ZFHX4: variants seen among roughly 807,000 people sequenced by gnomAD.
The protein encoded by ZFHX4 is zinc finger homeobox protein 4.
Under a neutral mutation model 267.6 loss-of-function variants are expected in ZFHX4, and 56 were observed. The ratio of observed to expected loss-of-function variants is 0.21; its 90% CI spans 0.17 to 0.26. The LOEUF (loss-of-function observed/expected upper bound fraction) is 0.26. ZFHX4 is among the 10% of genes least tolerant of loss of function. The pLI, the probability that ZFHX4 is intolerant of heterozygous loss-of-function variation, is 1.00. For missense variants in ZFHX4, 4,332 were observed against 4,420.0 expected, an observed-to-expected ratio of 0.98 and a Z score of 0.56; for synonymous variants, 1,778 against 1,665.6, an observed-to-expected ratio of 1.07 and a Z score of -1.64.
At chr8:76,842,851 C>T (rs1397462021) in intron 6 of ZFHX4, 80 bp downstream of exon 6, 3 of 945,906 alleles carry the variant, frequency 3.2e-6, no homozygotes, top group Middle Eastern at 2.2e-4. Context: ...CATCCCCCCA[C>T]CCCACAAAAC....
At chr8:76,700,144 C>T (rs939882541) in intron 1 of ZFHX4, among the ~76,000 whole-genome samples, 3 of 151,588 alleles carry the variant, frequency 2.0e-5, no homozygotes, top group African/African-American at 4.8e-5. Flanking sequence ...TTTTTAAATT[C>T]GTAACTAGTT....
chr8:76,831,992 G>GTTT (rs1181914226), intron 4 of ZFHX4, among the ~76,000 whole-genome samples: 6 of 102,982 alleles, frequency 5.8e-5, no homozygotes, highest in Non-Finnish European at 1.1e-4. Context: ...TAACATAATG[G>GTTT]TTTTTTTAGT....
intron 4 of ZFHX4, among the ~76,000 whole-genome samples, chr8:76,814,411 C>T (rs2131850507): frequency 6.6e-6 from 1 of 152,204 alleles, no homozygotes; most frequent in East Asian, 1.9e-4. Flanking sequence ...AATAGCTTAT[C>T]TAGGCTATTT....
intron 4 of ZFHX4, among the ~76,000 whole-genome samples, chr8:76,824,559 G>A (rs1441308267): frequency 6.6e-6 from 1 of 152,110 alleles, no homozygotes. Context: ...TTCTGTCACA[G>A]TAATTTTAGT....
At position 76,772,989 on chromosome 8, in the gene ZFHX4, G is replaced by T. The variant is rs567339787; in HGVS notation, c.3094-5219G>T. 2.6e-4 allele frequency among the ~76,000 whole-genome samples: 39 copies of T among 152,162 alleles called. No homozygotes were observed. In the East Asian group the frequency reaches 7.0e-3, roughly 27 times the overall value. On this transcript the variant is annotated intron_variant, in intron 3 of 10. Coordinates refer to ENST00000651372, the MANE Select transcript of ZFHX4 (RefSeq NM_024721.5). ...TCTATTTCACTACAGGAAAAACCTC[G>T]TTGTATGAGGTTATATTTGTTTATT... is the stretch of plus-strand genomic sequence containing the variant.
intron 4 of ZFHX4, among the ~76,000 whole-genome samples, chr8:76,820,510 T>C (rs1207162607): frequency 6.6e-6 from 1 of 152,222 alleles, no homozygotes; most frequent in Non-Finnish European, 1.5e-5. Flanking sequence ...TTCATCTGAT[T>C]AGTCATGCAG....
intron 4 of ZFHX4, among the ~76,000 whole-genome samples, chr8:76,796,977 A>G (rs1486537637): frequency 2.0e-5 from 3 of 152,344 alleles, no homozygotes; most frequent in South Asian, 2.1e-4. Flanking sequence ...ACACTGGAAG[A>G]AAAGAGTGAG....
intron 4 of ZFHX4, among the ~76,000 whole-genome samples, chr8:76,802,118 G>A (rs1300245746): frequency 2.6e-5 from 4 of 152,132 alleles, no homozygotes; most frequent in Non-Finnish European, 5.9e-5. Context: ...AATCAGCATT[G>A]TGAAATTGAA....
At chr8:76,730,256 A>G (rs1808967781) in intron 3 of ZFHX4, among the ~76,000 whole-genome samples, 1 of 152,180 alleles carries the variant, frequency 6.6e-6, no homozygotes, top group Admixed American at 6.6e-5. Flanking sequence ...GGCCAATAGA[A>G]TGCTTTGTGA....
At chr8:76,797,136 TCTTGTGAGTATGG>T (rs1810999192) in intron 4 of ZFHX4, among the ~76,000 whole-genome samples, 1 of 152,188 alleles carries the variant, frequency 6.6e-6, no homozygotes, top group Non-Finnish European at 1.5e-5. Context: ...TCCATCTGTG[TCTTGTGAGTATGG>T]CTTGTTCTAG....
At chr8:76,738,294 A>G (rs1232225272) in intron 3 of ZFHX4, among the ~76,000 whole-genome samples, 2 of 152,148 alleles carry the variant, frequency 1.3e-5, no homozygotes, top group Non-Finnish European at 2.9e-5. Context: ...AGTTATGCTG[A>G]TGTAACCAGG....
At chr8:76,698,295 A>C (rs1000801541) in intron 1 of ZFHX4, among the ~76,000 whole-genome samples, 3 of 152,156 alleles carry the variant, frequency 2.0e-5, no homozygotes, top group African/African-American at 7.2e-5. Context: ...TGAAGCAAAC[A>C]AATAAAATGA....
Position 76,864,172 on chromosome 8 carries a change from T to C in ZFHX4, c.10458T>C (p.His3486=). ...AAGCAATGAGAAATGCCAAAGAGCA[T>C]GTTAGATTATTACCTCACTCAGTCT... is the stretch of plus-strand genomic sequence containing the variant. ...IKQAMRNAKE[H]VRLLPHSVCS... Residue 3486 remains histidine (H), a synonymous_variant, in exon 11 of 11, where the codon CAT becomes CAC. Coordinates refer to ENST00000651372, the MANE Select transcript of ZFHX4 (RefSeq NM_024721.5). 4 of 1,613,938 alleles carry C rather than the reference T, an allele frequency of 2.5e-6. No homozygotes were observed. Among genetic ancestry groups the C allele is most frequent in the Middle Eastern group, 1.7e-4 (1 of 6,060 alleles).
intron 3 of ZFHX4, among the ~76,000 whole-genome samples, chr8:76,741,652 A>G (rs1809318423): frequency 1.3e-5 from 2 of 152,208 alleles, no homozygotes; most frequent in African/African-American, 2.4e-5. Context: ...GGTGCCCTGC[A>G]ACCCTACCCT....
intron 1 of ZFHX4, among the ~76,000 whole-genome samples, chr8:76,687,614 C>T (rs1807723892): frequency 6.6e-6 from 1 of 152,132 alleles, no homozygotes; most frequent in Non-Finnish European, 1.5e-5. Context: ...TCTTATTCTC[C>T]CTTTTCCACC....
rs1397735760 is a variant in ZFHX4, at chr8:76,855,607, G to A, written c.8686G>A (p.Ala2896Thr). Reference protein sequence around the residue: ...FYITDDPDDNADRSETSSIAD... With the variant: ...FYITDDPDDNTDRSETSSIAD... ...CATCACAGATGACCCGGATGACAAC[G>A]CCGACCGCAGCGAAACGTCCAGCAT... Residue 2896 changes from alanine (A) to threonine (T), a missense_variant, in exon 10 of 11, where the codon GCC becomes ACC. Around this residue, in one of 7 missense-constraint regions of ZFHX4, gnomAD observed 1,648 missense variants for 1,625.0 expected, o/e 1.01. Transcript: ENST00000651372. The A allele has an allele frequency of 6.2e-7, 1 of 1,613,704 alleles. No homozygotes were observed. The highest frequency in any genetic ancestry group is 8.5e-7 in the Non-Finnish European group (1 of 1,179,772).
chr8:76,723,637 A>C (rs1808780704), intron 3 of ZFHX4, among the ~76,000 whole-genome samples: 1 of 151,740 alleles, frequency 6.6e-6, no homozygotes, highest in African/African-American at 2.4e-5. Flanking sequence ...TATGCTAGGA[A>C]ATAAGGATAT....
chr8:76,752,487 C>CAAAAAATAA (rs1809642505), intron 3 of ZFHX4, among the ~76,000 whole-genome samples: 1 of 70,964 alleles, frequency 1.4e-5, no homozygotes, highest in African/African-American at 4.4e-5. Flanking sequence ...ACCAAAAATC[C>CAAAAAATAA]AAAAAAAAAA....
At chr8:76,811,040 C>A (rs965651688) in intron 4 of ZFHX4, among the ~76,000 whole-genome samples, 4 of 152,114 alleles carry the variant, frequency 2.6e-5, no homozygotes, top group Non-Finnish European at 4.4e-5. Context: ...CAGTATATAT[C>A]TAAAGAGCAG....
Sources: gnomAD v4.1 joint callset for allele counts (sites outside exome capture counted in the v4.1 genomes callset) on GRCh38, gnomAD v4.1.1 for gene constraint, gnomAD v4.1.1 regional missense constraint, MANE v1.5 for transcripts, NCBI Gene and HGNC (gene_info 2026-07-23, HGNC 2026-07-21) for gene names.